The following ATRNL1 variants were observed in gnomAD, a reference collection of about 807,000 sequenced individuals.
The protein encoded by ATRNL1 is attractin-like protein 1.
Under a neutral mutation model 182.7 loss-of-function variants are expected in ATRNL1, and 95 were observed. The ratio of observed to expected loss-of-function variants is 0.52; its 90% CI spans 0.44 to 0.62. The LOEUF (loss-of-function observed/expected upper bound fraction) is 0.62, where lower values mean the gene tolerates loss of function less well. Ranked by LOEUF, ATRNL1 falls within the 20% of genes least tolerant of loss-of-function variation. ATRNL1 has a pLI of 0.00. For missense variants in ATRNL1, 1,471 were observed against 1,679.5 expected (o/e 0.88, Z 2.17); for synonymous variants, 576 against 568.3 (o/e 1.01, Z -0.19).
intron 26 of ATRNL1, among the ~76,000 whole-genome samples, chr10:115,555,431 C>T (rs1226975795): frequency 1.3e-5 from 2 of 151,584 alleles, no homozygotes; most frequent in Non-Finnish European, 3.0e-5. Flanking sequence ...TTTTGTATAT[C>T]AGAACTATTT....
At position 115,944,818 on chromosome 10, in the gene ATRNL1, C is replaced by T; in HGVS notation, c.*39C>T. ...CTCCTGTATATTCTGTACTGTTTTACTTCGGGCTTCTGTTAAAGCTGTTCT... is the reference window on the plus strand; with the variant it reads ...CTCCTGTATATTCTGTACTGTTTTATTTCGGGCTTCTGTTAAAGCTGTTCT... On this transcript the variant is annotated 3_prime_UTR_variant, in exon 29 of 29. Coordinates refer to ENST00000355044, the MANE Select transcript of ATRNL1 (RefSeq NM_207303.4). 6.3e-7 allele frequency: 1 copy of T among 1,587,108 alleles called. No individual in the cohort carries two copies. The highest frequency in any genetic ancestry group is 8.6e-7 in the Non-Finnish European group (1 of 1,166,250).
intron 20 of ATRNL1, among the ~76,000 whole-genome samples, chr10:115,419,520 A>G (rs1431311478): frequency 1.3e-5 from 2 of 152,224 alleles, no homozygotes; most frequent in Admixed American, 1.3e-4. Flanking sequence ...TATGCTGCCT[A>G]CAGGAGACTT....
intron 19 of ATRNL1, among the ~76,000 whole-genome samples, chr10:115,389,538 G>GTGTA (rs1201766453): frequency 5.8e-5 from 3 of 51,414 alleles, no homozygotes; most frequent in Admixed American, 2.4e-4. Flanking sequence ...AAATGTGTAT[G>GTGTA]TGTATATATA....
intron 27 of ATRNL1, among the ~76,000 whole-genome samples, chr10:115,795,166 G>C (rs1310011008): frequency 6.6e-6 from 1 of 152,140 alleles, no homozygotes; most frequent in Non-Finnish European, 1.5e-5. Flanking sequence ...TGTGCTCATT[G>C]CTATTGAGGT....
At chr10:115,817,122 C>T (rs922438166) in intron 27 of ATRNL1, among the ~76,000 whole-genome samples, 1 of 151,992 alleles carries the variant, frequency 6.6e-6, no homozygotes, top group Non-Finnish European at 1.5e-5. Context: ...TGTTTACTTA[C>T]ACAAATTTGG....
Position 115,457,773 on chromosome 10 carries a change from G to GT in ATRNL1, c.3323-4161dup, listed in dbSNP as rs202097850. 6.1e-3 allele frequency among the ~76,000 whole-genome samples: 933 copies of GT among 151,966 alleles called. 12 individuals are homozygous for GT. The highest frequency in any genetic ancestry group is 0.01 in the Middle Eastern group (3 of 294). The stretch of plus-strand genomic sequence containing the variant: ...CATGTTGTGTATATTCAGTCTTTAT[G>GT]TTTTTTTCACAAGATCTCATCACCT... On this transcript the variant is annotated intron_variant, in intron 21 of 28. Coordinates refer to ENST00000355044, the MANE Select transcript of ATRNL1 (RefSeq NM_207303.4).
intron 26 of ATRNL1, among the ~76,000 whole-genome samples, chr10:115,601,265 C>T (rs782161766): frequency 2.6e-5 from 4 of 152,054 alleles, no homozygotes; most frequent in Non-Finnish European, 5.9e-5. Flanking sequence ...ATATACATAT[C>T]ATTGTAGTGC....
chr10:115,366,457 C>G (rs553885324), intron 19 of ATRNL1, among the ~76,000 whole-genome samples: 45 of 152,218 alleles, frequency 3.0e-4, no homozygotes, highest in African/African-American at 5.1e-4. Flanking sequence ...ACTGATGGGT[C>G]TTGACTCTTT....
At chr10:115,805,204 A>G (rs960315326) in intron 27 of ATRNL1, among the ~76,000 whole-genome samples, 2 of 152,156 alleles carry the variant, frequency 1.3e-5, no homozygotes, top group Non-Finnish European at 2.9e-5. Flanking sequence ...AGTCCATTCT[A>G]TTCCCTTGAT....
intron 8 of ATRNL1, among the ~76,000 whole-genome samples, chr10:115,187,628 A>T (rs555448600): frequency 8.0e-5 from 12 of 150,416 alleles, no homozygotes; most frequent in African/African-American, 2.7e-4. Context: ...CTTAAAGTTG[A>T]TAATTGCAAT....
chr10:115,118,426 A>G (rs1277971374), intron 1 of ATRNL1, among the ~76,000 whole-genome samples: 2 of 152,126 alleles, frequency 1.3e-5, no homozygotes, highest in South Asian at 2.1e-4. Context: ...AGAGAGTACC[A>G]TGTATCTTCT....
intron 21 of ATRNL1, among the ~76,000 whole-genome samples, chr10:115,442,303 C>CTCTCTCTCTCTCTGTGTGTGTG (rs782157017): frequency 8.1e-6 from 1 of 123,766 alleles, no homozygotes; most frequent in Non-Finnish European, 1.7e-5. Context: ...CTCTCTCTCT[C>CTCTCTCTCTCTCTGTGTGTGTG]TGTGTGTATG....
intron 26 of ATRNL1, among the ~76,000 whole-genome samples, chr10:115,684,544 G>A (rs1360328274): frequency 1.3e-5 from 2 of 150,916 alleles, no homozygotes; most frequent in Non-Finnish European, 3.0e-5. Context: ...TAATATTACT[G>A]AGACTTTGTT....
At chr10:115,121,250 C>G (rs1482028170) in intron 2 of ATRNL1, among the ~76,000 whole-genome samples, 2 of 152,178 alleles carry the variant, frequency 1.3e-5, no homozygotes, top group East Asian at 3.9e-4. Flanking sequence ...GTAGCTGGGA[C>G]TAGAGGTGCA....
At chr10:115,667,371 C>T (rs1338463331) in intron 26 of ATRNL1, among the ~76,000 whole-genome samples, 6 of 152,104 alleles carry the variant, frequency 3.9e-5, no homozygotes, top group African/African-American at 1.4e-4. Context: ...GGGTTTTCTG[C>T]GTTAATAAGT....
intron 26 of ATRNL1, among the ~76,000 whole-genome samples, chr10:115,579,768 T>A (rs1854953872): frequency 6.6e-6 from 1 of 152,044 alleles, no homozygotes; most frequent in South Asian, 2.1e-4. Flanking sequence ...TTTTGTTAAC[T>A]GTTTTCTTTT....
At chr10:115,436,273 TA>T (rs1202251942) in intron 21 of ATRNL1, among the ~76,000 whole-genome samples, 2 of 152,072 alleles carry the variant, frequency 1.3e-5, no homozygotes, top group African/African-American at 2.4e-5. Flanking sequence ...TATTATGAAG[TA>T]AAAAAAGGTG....
intron 20 of ATRNL1, among the ~76,000 whole-genome samples, chr10:115,420,824 G>A (rs578154848): frequency 1.3e-5 from 2 of 152,024 alleles, no homozygotes; most frequent in African/African-American, 4.8e-5. Flanking sequence ...GAAAAAAAGA[G>A]GAATGATTCA....
chr10:115,130,286 ACT>A (rs553096637), intron 5 of ATRNL1, among the ~76,000 whole-genome samples: 462 of 152,232 alleles, frequency 3.0e-3, no homozygotes, highest in Non-Finnish European at 3.2e-3. Flanking sequence ...GGGAAATTTG[ACT>A]CAATAATTAC....
Sources: allele counts gnomAD v4.1 joint callset (sites outside exome capture counted in the v4.1 genomes callset), GRCh38; gene constraint gnomAD v4.1.1; transcripts MANE v1.5; gene names NCBI Gene and HGNC (gene_info 2026-07-23, HGNC 2026-07-21).